The following KIAA1671 variants were observed in gnomAD, a reference collection of about 807,000 sequenced individuals.
The protein encoded by KIAA1671 is uncharacterized protein KIAA1671.
KIAA1671 carries 52 observed loss-of-function variants against 131.2 expected under a neutral mutation model. The observed-to-expected ratio is 0.40, with a 90% CI of 0.32 to 0.50. The LOEUF (loss-of-function observed/expected upper bound fraction) is 0.50. Among genes scored for constraint, KIAA1671 ranks in the 20% least tolerant of loss-of-function variants. The pLI is 0.73. For missense variants in KIAA1671, 2,360 were observed against 2,364.2 expected (o/e 1.00, Z 0.04); for synonymous variants, 1,003 against 961.6 (o/e 1.04, Z -0.80).
chr22:25,011,026 G>A (rs1417862574), intron 1 of KIAA1671: 1 of 152,216 alleles, frequency 6.6e-6, no homozygotes, highest in Non-Finnish European at 1.5e-5. Context: ...GCCCAGACTG[G>A]AGTGCAGTGG....
chr22:25,087,356 G>A (rs1044650462), intron 6 of KIAA1671, among the ~76,000 whole-genome samples: 2 of 152,142 alleles, frequency 1.3e-5, no homozygotes, highest in African/African-American at 4.8e-5. Context: ...AGGCCGAGGT[G>A]GTGGATTACC....
chr22:24,992,814 C>CAAAAAAAAAA lies in KIAA1671; in HGVS notation c.-207-32804_-207-32795dup, dbSNP rs761181079. On this transcript the variant is annotated intron_variant, in intron 1 of 12. Transcript: ENST00000358431. ...TAGGTGACAGAGCGAGACTCCGTCT[C>CAAAAAAAAAA]AAAAAAAAAAAAAAAAAAAAAAAAG... Among the ~76,000 whole-genome samples the CAAAAAAAAAA allele has an allele frequency of 9.1e-4, 52 of 57,368 alleles. 3 individuals carry two copies. Among genetic ancestry groups the CAAAAAAAAAA allele is most frequent in the Admixed American group, 1.1e-3 (4 of 3,628 alleles). The allele number at this position is 57,368 out of a possible 152,430, so 37.6% of individuals were successfully genotyped here.
At chr22:25,017,065 G>T (rs1296258015) in intron 1 of KIAA1671, among the ~76,000 whole-genome samples, 1 of 152,108 alleles carries the variant, frequency 6.6e-6, no homozygotes, top group African/African-American at 2.4e-5. Flanking sequence ...GTAACTTCTG[G>T]GTTGTCAGGT....
chr22:25,005,899 A>G (rs1818603166), intron 1 of KIAA1671, among the ~76,000 whole-genome samples: 1 of 152,212 alleles, frequency 6.6e-6, no homozygotes, highest in Non-Finnish European at 1.5e-5. Flanking sequence ...TCACATCTGT[A>G]TAATGGGATT....
intron 6 of KIAA1671, among the ~76,000 whole-genome samples, chr22:25,076,684 G>A (rs1449194573): frequency 1.3e-5 from 2 of 152,216 alleles, no homozygotes; most frequent in African/African-American, 2.4e-5. Flanking sequence ...CGGTCCCAAG[G>A]CCTGTGGCCT....
At chr22:25,185,172 T>TTC in intron 11 of KIAA1671, 53 bp downstream of exon 11, 1 of 1,481,206 alleles carries the variant, frequency 6.8e-7, no homozygotes, top group South Asian at 1.4e-5. Flanking sequence ...CAGGCTATAC[T>TTC]TCTAGAGAGG....
At chr22:25,089,266 ATTT>A (rs34941122) in intron 6 of KIAA1671, among the ~76,000 whole-genome samples, 1 of 89,274 alleles carries the variant, frequency 1.1e-5, no homozygotes, top group Non-Finnish European at 2.1e-5. Flanking sequence ...TGTGTGTTTA[ATTT>A]TTTTTTTTTT....
intron 7 of KIAA1671, among the ~76,000 whole-genome samples, chr22:25,172,734 C>T (rs1033464955): frequency 6.6e-6 from 1 of 152,170 alleles, no homozygotes; most frequent in Admixed American, 6.5e-5. Flanking sequence ...TTCTATCTTA[C>T]ATTATTCCAA....
In KIAA1671 at chr22:25,144,256, G is replaced by A. The variant is rs932084054; in HGVS notation, c.4531-26564G>A. Among the ~76,000 whole-genome samples the A allele has an allele frequency of 3.3e-5, 5 of 152,074 alleles. No homozygotes were observed. The Middle Eastern group carries it at 0.01, about 310-fold the overall frequency. ...GTCTTTGTTCCTATCTTTACCTCTTGGCACTGCCTCTATCTTCTGAGGTCC... is the reference window on the plus strand; with the variant it reads ...GTCTTTGTTCCTATCTTTACCTCTTAGCACTGCCTCTATCTTCTGAGGTCC... On this transcript the variant is annotated intron_variant, in intron 6 of 12. Transcript: ENST00000358431.
intron 6 of KIAA1671, among the ~76,000 whole-genome samples, chr22:25,112,909 T>C (rs1310003203): frequency 6.6e-6 from 1 of 152,118 alleles, no homozygotes; most frequent in Non-Finnish European, 1.5e-5. Flanking sequence ...CGAGCTTTCA[T>C]TGGATTGCCA....
At chr22:25,181,234 C>T (rs1015037954) in intron 9 of KIAA1671, among the ~76,000 whole-genome samples, 3 of 152,182 alleles carry the variant, frequency 2.0e-5, no homozygotes, top group Non-Finnish European at 2.9e-5. Flanking sequence ...GGGTTAAGTC[C>T]TGGATAGGGG....
chr22:25,124,278 G>T (rs1489059943), intron 6 of KIAA1671, among the ~76,000 whole-genome samples: 1 of 152,182 alleles, frequency 6.6e-6, no homozygotes, highest in Non-Finnish European at 1.5e-5. Context: ...AGAGCATGGT[G>T]GCTTTTCTCC....
intron 1 of KIAA1671, among the ~76,000 whole-genome samples, chr22:24,971,340 A>G (rs1244489931): frequency 6.6e-6 from 1 of 152,096 alleles, no homozygotes; most frequent in Non-Finnish European, 1.5e-5. Context: ...GGTTATTCCT[A>G]TTTTTGCTGG....
In KIAA1671 at chr22:25,041,603, T is replaced by C. The variant is rs2145808300; in HGVS notation, c.4395+78T>C. On this transcript the variant is annotated intron_variant, in intron 5 of 12. Coordinates refer to ENST00000358431, the MANE Select transcript of KIAA1671 (RefSeq NM_001145206.2). The stretch of plus-strand genomic sequence containing the variant: ...CTAGGGGGCCGAAACTCAGATTTTG[T>C]GTGGCCCACTTTGGGTACATAAATG... 2.1e-6 allele frequency: 3 copies of C among 1,406,852 alleles called. No homozygotes were observed. In the East Asian group the frequency reaches 7.5e-5, roughly 35 times the overall value. The allele number at this position is 1,406,852 out of a possible 1,614,324, so 87.1% of individuals were successfully genotyped here. A position where few individuals can be genotyped will look rare whatever the true frequency, so the allele number is the denominator to read the frequency against.
chr22:25,125,879 C>T (rs1209352375), intron 6 of KIAA1671, among the ~76,000 whole-genome samples: 1 of 152,160 alleles, frequency 6.6e-6, no homozygotes. Context: ...TAGTAGTAGG[C>T]CTTTGGAATA....
chr22:25,101,178 C>T (rs966856175), intron 6 of KIAA1671, among the ~76,000 whole-genome samples: 1 of 152,222 alleles, frequency 6.6e-6, no homozygotes, highest in African/African-American at 2.4e-5. Flanking sequence ...CCTCCTCTTT[C>T]CCAGGGTCTG....
chr22:25,088,730 G>C (rs961691643), intron 6 of KIAA1671, among the ~76,000 whole-genome samples: 1 of 152,090 alleles, frequency 6.6e-6, no homozygotes, highest in Non-Finnish European at 1.5e-5. Flanking sequence ...AGAGAAATTG[G>C]TCTCCCTGCC....
At chr22:25,152,851 C>T (rs528905080) in intron 6 of KIAA1671, among the ~76,000 whole-genome samples, 1 of 152,110 alleles carries the variant, frequency 6.6e-6, no homozygotes, top group Non-Finnish European at 1.5e-5. Flanking sequence ...GTGATCCACT[C>T]GCCTCGGCCT....
intron 4 of KIAA1671, among the ~76,000 whole-genome samples, chr22:25,034,631 CTGTT>C (rs1180009159): frequency 2.6e-5 from 4 of 152,164 alleles, no homozygotes; most frequent in Non-Finnish European, 5.9e-5. Context: ...GGGTTGTTAT[CTGTT>C]TGGGGCAATT....
Sources: gnomAD v4.1 joint callset for allele counts (sites outside exome capture counted in the v4.1 genomes callset) on GRCh38, gnomAD v4.1.1 for gene constraint, MANE v1.5 for transcripts, NCBI Gene and HGNC (gene_info 2026-07-23, HGNC 2026-07-21) for gene names.